GFM1: variants seen among roughly 807,000 people sequenced by gnomAD.
GFM1 encodes the protein G elongation factor mitochondrial 1, also known as elongation factor G, mitochondrial.
In GFM1, 62 loss-of-function variants were observed where a neutral mutation model predicts 96.2. The ratio of observed to expected loss-of-function variants is 0.64; its 90% confidence interval spans 0.53 to 0.80. GFM1 has a LOEUF of 0.80. Among genes scored for constraint, GFM1 ranks in the 30% least tolerant of loss-of-function variants. The pLI, the probability that GFM1 is intolerant of heterozygous loss-of-function variation, is 0.00. For missense variants in GFM1, 852 were observed against 916.6 expected (o/e 0.93, Z 0.91); for synonymous variants, 282 against 312.9 (o/e 0.90, Z 1.04).
chr3:158,646,390 A>G (rs746460484), intron 3 of GFM1, 93 bp downstream of exon 3: 37 of 1,313,930 alleles, frequency 2.8e-5, no homozygotes, highest in Admixed American at 5.2e-5. Flanking sequence ...TTGATTGTCA[A>G]ATACTCAAAA....
chr3:158,676,937 T>C (rs1241422081), intron 13 of GFM1, among the ~76,000 whole-genome samples: 1 of 152,168 alleles, frequency 6.6e-6, no homozygotes, highest in Non-Finnish European at 1.5e-5. Context: ...TGACCTCAAG[T>C]GATCCACCCG....
chr3:158,693,608 T>C lies in GFM1; in HGVS notation c.*2141T>C, dbSNP rs1383163591. ...AAGATCACATACCAACCAAAGTCTGTAGCATGGAAAAAAATTAATGAGAAT... is the reference window on the plus strand; with the variant it reads ...AAGATCACATACCAACCAAAGTCTGCAGCATGGAAAAAAATTAATGAGAAT... On this transcript the variant is annotated 3_prime_UTR_variant, in exon 18 of 18. Transcript: ENST00000486715. The C allele has an allele frequency of 6.6e-6, 1 of 152,178 alleles. No individual in the cohort carries two copies. Among genetic ancestry groups the C allele is most frequent in the East Asian group, 1.9e-4 (1 of 5,194 alleles). The allele number at this position is 152,178 out of a possible 1,614,324, so 9.4% of individuals were successfully genotyped here.
At chr3:158,671,087 G>A (rs926592825) in intron 13 of GFM1, 1 of 1,379,384 alleles carries the variant, frequency 7.2e-7, no homozygotes. Context: ...ATTGTTAGAA[G>A]TATGCATCTC....
intron 12 of GFM1, 55 bp from the exon 13 acceptor site, chr3:158,666,249 T>G: frequency 7.7e-7 from 1 of 1,290,426 alleles, no homozygotes; most frequent in Non-Finnish European, 1.1e-6. Context: ...GCTTAGGAGG[T>G]TTTCTTTCGG....
chr3:158,656,108 TAC>T (rs1722735271), intron 8 of GFM1: 1 of 281,492 alleles, frequency 3.6e-6, no homozygotes, highest in Non-Finnish European at 7.0e-6. Context: ...ATATCCAAGG[TAC>T]AGACTTGCAG....
chr3:158,653,279 TTAAC>T lies in GFM1; in HGVS notation c.841-28_841-25del, dbSNP rs1237998253. 4 of 1,574,056 alleles carry T rather than the reference TTAAC, an allele frequency of 2.5e-6. No individual in the cohort carries two copies. In the Admixed American group the frequency reaches 6.8e-5, roughly 27 times the overall value. On this transcript the variant is annotated intron_variant, in intron 6 of 17. Coordinates refer to ENST00000486715, the MANE Select transcript of GFM1 (RefSeq NM_024996.7). Reference sequence around the variant, plus strand: ...TGAAGCACAACATGTAATTTTAACATTAACTACCATTAAATTGTTTTCTTTTGTA... The same window carrying T: ...TGAAGCACAACATGTAATTTTAACATTACCATTAAATTGTTTTCTTTTGTA...
At chr3:158,645,834 T>C in intron 2 of GFM1, 53 bp downstream of exon 2, 1 of 1,439,530 alleles carries the variant, frequency 6.9e-7, no homozygotes, top group Non-Finnish European at 9.8e-7. Context: ...TTAATTGTTT[T>C]GTTGCTATTA....
intron 15 of GFM1, among the ~76,000 whole-genome samples, chr3:158,689,179 T>G (rs1160686089): frequency 6.6e-6 from 1 of 152,216 alleles, no homozygotes; most frequent in Non-Finnish European, 1.5e-5. Flanking sequence ...CATTTAAACA[T>G]TAGCACTTTA....
intron 13 of GFM1, chr3:158,669,235 C>G: frequency 1.5e-6 from 2 of 1,325,296 alleles, no homozygotes; most frequent in Non-Finnish European, 2.1e-6. Context: ...GAATGTTGTG[C>G]AAAAAATAAT....
At chr3:158,653,558 G>A in intron 7 of GFM1, 91 bp downstream of exon 7, 1 of 963,426 alleles carries the variant, frequency 1.0e-6, no homozygotes, top group Non-Finnish European at 1.6e-6. Context: ...TTTTAATTAT[G>A]TCTGTGATTT....
intron 2 of GFM1, 87 bp from the exon 3 acceptor site, chr3:158,646,078 T>C (rs1721768011): frequency 1.3e-6 from 2 of 1,535,428 alleles, no homozygotes; most frequent in Non-Finnish European, 1.8e-6. Context: ...CCACTGCACC[T>C]GGCAACTGTT....
chr3:158,645,999 T>G (rs867915212), intron 2 of GFM1, 166 bp from the exon 3 acceptor site: 7 of 930,386 alleles, frequency 7.5e-6, no homozygotes, highest in African/African-American at 1.6e-5. Flanking sequence ...CTCAGGCTGG[T>G]CTCAAACTCT....
At chr3:158,653,667 G>A (rs952603502) in intron 7 of GFM1, among the ~76,000 whole-genome samples, 200 bp downstream of exon 7, 8 of 151,572 alleles carry the variant, frequency 5.3e-5, no homozygotes, top group Admixed American at 2.0e-4. Context: ...TCTGTTTTGA[G>A]TTGGAAGTAT....
intron 16 of GFM1, chr3:158,690,551 ATCTC>A (rs1385208602): frequency 7.5e-6 from 4 of 535,082 alleles, no homozygotes; most frequent in Non-Finnish European, 1.3e-5. Context: ...GATGTATATT[ATCTC>A]TCTTTCTTGA....
rs779565754 is a variant in GFM1 at position 158,682,058 on chromosome 3, C to A, written c.1665C>A (p.Val555=). The A allele has an allele frequency of 2.1e-5, 34 of 1,613,132 alleles. No individual in the cohort carries two copies. The highest frequency in any genetic ancestry group is 2.7e-5 in the Non-Finnish European group (32 of 1,179,582). Residue 555 remains valine (V), a synonymous_variant, in exon 14 of 18, where the codon GTC becomes GTA. Coordinates refer to ENST00000486715, the MANE Select transcript of GFM1 (RefSeq NM_024996.7). ...GCCAGTATGGAAAAGTAATAGGTGT[C>A]CTGGAGCCTCTGGACCCAGAGGACT... ...GAGQYGKVIG[V]LEPLDPEDYT...
chr3:158,644,769 C>T (rs1458330571), intron 1 of GFM1, 54 bp downstream of exon 1: 3 of 1,462,570 alleles, frequency 2.1e-6, no homozygotes, highest in Middle Eastern at 1.7e-4. Flanking sequence ...CTTGTGATCC[C>T]TTCTGGGCAA....
At chr3:158,644,800 T>A in intron 1 of GFM1, 85 bp downstream of exon 1, 1 of 1,119,706 alleles carries the variant, frequency 8.9e-7, no homozygotes, top group Non-Finnish European at 1.3e-6. Context: ...TGACACCCCC[T>A]GGGTCCTCAT....
chr3:158,648,270 C>T (rs149301511), intron 4 of GFM1, among the ~76,000 whole-genome samples: 1 of 152,018 alleles, frequency 6.6e-6, no homozygotes, highest in Non-Finnish European at 1.5e-5. Flanking sequence ...TTTGGTGATT[C>T]TTAGATCTTT....
chr3:158,674,511 T>C (rs1424226801), intron 13 of GFM1, among the ~76,000 whole-genome samples: 1 of 152,122 alleles, frequency 6.6e-6, no homozygotes, highest in African/African-American at 2.4e-5. Context: ...TTGGTGAAAT[T>C]TGGGGAACTT....
Sources: allele counts gnomAD v4.1 joint callset (sites outside exome capture counted in the v4.1 genomes callset), GRCh38; gene constraint gnomAD v4.1.1; transcripts MANE v1.5; gene names NCBI Gene and HGNC (gene_info 2026-07-23, HGNC 2026-07-21).